The following NAV3 variants were observed in gnomAD, a reference collection of about 807,000 sequenced individuals.
The protein encoded by NAV3 is pore membrane and/or filament interacting like protein 1.
NAV3 carries 87 observed loss-of-function variants against 244.7 expected under a neutral mutation model. That is an observed-to-expected ratio of 0.36 (90% CI 0.30 to 0.42). The LOEUF (loss-of-function observed/expected upper bound fraction) is 0.42, where lower values mean the gene tolerates loss of function less well. Among genes scored for constraint, NAV3 ranks in the 20% least tolerant of loss-of-function variants. The pLI is 1.00. For missense variants in NAV3, 2,663 were observed against 2,893.3 expected (o/e 0.92, Z 1.83); for synonymous variants, 1,126 against 1,042.2 (o/e 1.08, Z -1.55).
chr12:78,007,466 C>A (rs367892189), intron 8 of NAV3, 21 bp downstream of exon 8: 1 of 1,602,624 alleles, frequency 6.2e-7, no homozygotes, highest in Non-Finnish European at 8.5e-7. Flanking sequence ...CTCTGTTTAT[C>A]CACAGTTGTA....
At chr12:78,005,135 C>T (rs939885710) in intron 7 of NAV3, among the ~76,000 whole-genome samples, 1 of 152,158 alleles carries the variant, frequency 6.6e-6, no homozygotes, top group African/African-American at 2.4e-5. Flanking sequence ...CAGGCACACT[C>T]TTACTTCTTA....
At chr12:77,808,951 T>A (rs768991469) in intron 2 of NAV3, among the ~76,000 whole-genome samples, 1 of 152,186 alleles carries the variant, frequency 6.6e-6, no homozygotes, top group Non-Finnish European at 1.5e-5. Context: ...AGTTCGAATT[T>A]TCCGGTGGCT....
chr12:77,586,054 C>G (rs1179183246), intron 2 of NAV3, among the ~76,000 whole-genome samples: 1 of 151,914 alleles, frequency 6.6e-6, no homozygotes, highest in Non-Finnish European at 1.5e-5. Context: ...CCCAGGTACT[C>G]GGGAGGCTGA....
At chr12:78,154,268 T>TATATATTACTAGATAATATATAGC (rs1957195135) in intron 22 of NAV3, among the ~76,000 whole-genome samples, 2 of 128,656 alleles carry the variant, frequency 1.6e-5, no homozygotes, top group Non-Finnish European at 3.3e-5. Context: ...TAATATATAG[T>TATATATTACTAGATAATATATAGC]ATATATTACT....
intron 2 of NAV3, among the ~76,000 whole-genome samples, chr12:77,621,965 A>G (rs1037881244): frequency 3.9e-5 from 6 of 152,210 alleles, no homozygotes; most frequent in South Asian, 2.1e-4. Context: ...ATGAGCATCT[A>G]TGATGAGGAC....
At chr12:77,899,772 A>T (rs1394709571) in intron 1 of NAV3, among the ~76,000 whole-genome samples, 1 of 152,218 alleles carries the variant, frequency 6.6e-6, no homozygotes, top group African/African-American at 2.4e-5. Flanking sequence ...GCCTTTTTCA[A>T]AAAATAAAGC....
At chr12:77,796,286 A>G (rs1273751606) in intron 2 of NAV3, among the ~76,000 whole-genome samples, 1 of 152,196 alleles carries the variant, frequency 6.6e-6, no homozygotes, top group African/African-American at 2.4e-5. Flanking sequence ...GGGTTTCAAG[A>G]CTTCAGCAGA....
At chr12:78,147,460 C>T (rs1956907764) in intron 21 of NAV3, among the ~76,000 whole-genome samples, 1 of 151,954 alleles carries the variant, frequency 6.6e-6, no homozygotes, top group Non-Finnish European at 1.5e-5. Context: ...ATACTGGAAT[C>T]ATGTAATAGA....
intron 1 of NAV3, among the ~76,000 whole-genome samples, chr12:77,832,418 C>T (rs534460164): frequency 3.0e-4 from 46 of 152,190 alleles, no homozygotes; most frequent in Non-Finnish European, 5.4e-4. Flanking sequence ...GAACTTCATG[C>T]GGATTCATTT....
chr12:77,616,725 G>GAC (rs1555186603), intron 2 of NAV3, among the ~76,000 whole-genome samples: 7 of 141,646 alleles, frequency 4.9e-5, no homozygotes, highest in South Asian at 2.2e-4. Context: ...GCTACACACA[G>GAC]GCGCGCACAC....
chr12:77,752,396 G>A (rs1429998295), intron 2 of NAV3, among the ~76,000 whole-genome samples: 3 of 152,088 alleles, frequency 2.0e-5, no homozygotes, highest in African/African-American at 7.2e-5. Flanking sequence ...AAATACCCAC[G>A]AGTTCAGGGT....
chr12:78,052,231 G>A (rs1336608352), intron 11 of NAV3: 1 of 152,106 alleles, frequency 6.6e-6, no homozygotes, highest in African/African-American at 2.4e-5. Context: ...CTAAAAAAGA[G>A]TACAAAATAG....
At chr12:78,210,003 G>T (rs1010373348) in intron 39 of NAV3, among the ~76,000 whole-genome samples, 3 of 152,162 alleles carry the variant, frequency 2.0e-5, no homozygotes, top group Admixed American at 6.5e-5. Context: ...GTCTGTGTGT[G>T]TATGAACATT....
intron 2 of NAV3, among the ~76,000 whole-genome samples, chr12:77,722,037 T>C (rs529987768): frequency 6.6e-6 from 1 of 152,212 alleles, no homozygotes; most frequent in East Asian, 1.9e-4. Flanking sequence ...GTGTGCTCCA[T>C]GTGTTTCAAT....
chr12:77,801,322 A>C (rs950000014), intron 2 of NAV3, among the ~76,000 whole-genome samples: 1 of 152,156 alleles, frequency 6.6e-6, no homozygotes, highest in African/African-American at 2.4e-5. Flanking sequence ...TTTAACTGAC[A>C]GTAGTTTTAG....
Position 78,161,301 on chromosome 12 carries a change from C to G in NAV3, c.4869+2015C>G, listed in dbSNP as rs1036661156. ...AAATATTACCTTCCTTTACATTTCT[C>G]TTTTTCCCTTGAAAATTATAAGATA... On this transcript the variant is annotated intron_variant, in intron 23 of 39. Transcript: ENST00000397909. Among the ~76,000 whole-genome samples, 2 of 152,112 alleles carry G rather than the reference C, an allele frequency of 1.3e-5. 1 individual carries two copies. Among genetic ancestry groups the G allele is most frequent in the South Asian group, 4.1e-4 (2 of 4,832 alleles).
At chr12:77,594,945 T>C (rs1870098864) in intron 2 of NAV3, among the ~76,000 whole-genome samples, 1 of 152,212 alleles carries the variant, frequency 6.6e-6, no homozygotes, top group Admixed American at 6.5e-5. Context: ...ATAATGTTCT[T>C]ACATTGTTGG....
intron 2 of NAV3, among the ~76,000 whole-genome samples, chr12:77,824,497 G>A (rs1872886379): frequency 6.6e-6 from 1 of 151,832 alleles, no homozygotes; most frequent in African/African-American, 2.4e-5. Flanking sequence ...GGAAGAGGGA[G>A]GTAGAAAATA....
chr12:77,765,641 C>A (rs1357194663), intron 2 of NAV3, among the ~76,000 whole-genome samples: 1 of 152,042 alleles, frequency 6.6e-6, no homozygotes, highest in East Asian at 1.9e-4. Flanking sequence ...TATTAGAGAA[C>A]AACTATGACT....
Sources: gnomAD v4.1 joint callset for allele counts (sites outside exome capture counted in the v4.1 genomes callset) on GRCh38, gnomAD v4.1.1 for gene constraint, MANE v1.5 for transcripts, NCBI Gene and HGNC (gene_info 2026-07-23, HGNC 2026-07-21) for gene names.